PDIA6: variants seen among roughly 807,000 people sequenced by gnomAD.
PDIA6 encodes the protein protein disulfide-isomerase A6.
In PDIA6, 29 loss-of-function variants were observed where a neutral mutation model predicts 58.4. That is an observed-to-expected ratio of 0.50 (90% CI 0.37 to 0.68). PDIA6 has a LOEUF of 0.68. Ranked by LOEUF, PDIA6 falls within the 30% of genes least tolerant of loss-of-function variation. The pLI, the probability that PDIA6 is intolerant of heterozygous loss-of-function variation, is 0.00. For missense variants in PDIA6, 480 were observed against 551.0 expected (o/e 0.87, Z 1.29); for synonymous variants, 192 against 202.6 (o/e 0.95, Z 0.44).
chr2:10,836,052 C>CAA (rs36107200), upstream of PDIA6, among the ~76,000 whole-genome samples: 172 of 146,826 alleles, frequency 1.2e-3, no homozygotes, highest in South Asian at 2.2e-3. Flanking sequence ...GACTCTGTCT[C>CAA]AAAAAAAAAA....
intron 1 of PDIA6, among the ~76,000 whole-genome samples, chr2:10,806,382 AAGAG>A (rs1332327351): frequency 6.6e-6 from 1 of 151,430 alleles, no homozygotes; most frequent in African/African-American, 2.4e-5. Flanking sequence ...AAAAAAAAAA[AAGAG>A]AGAAAATATT....
intron 8 of PDIA6, among the ~76,000 whole-genome samples, chr2:10,789,407 GAAAAC>G (rs57608395): frequency 0.084 from 12,666 of 151,434 alleles, 654 homozygotes; most frequent in South Asian, 0.15. Flanking sequence ...AGAATTAAAT[GAAAAC>G]AAAACAAAAC....
chr2:10,785,382 C>A (rs1480828338), intron 11 of PDIA6, among the ~76,000 whole-genome samples: 2 of 152,244 alleles, frequency 1.3e-5, no homozygotes, highest in African/African-American at 2.4e-5. Context: ...TCTAAGACTG[C>A]TGTGAACCTG....
chr2:10,830,685 G>A (rs1265396321), intron 1 of PDIA6, among the ~76,000 whole-genome samples: 1 of 152,230 alleles, frequency 6.6e-6, no homozygotes, highest in Non-Finnish European at 1.5e-5. Context: ...ATTAGTTCAA[G>A]GAAATAGGGA....
chr2:10,798,325 T>G (rs1460720505), intron 2 of PDIA6, among the ~76,000 whole-genome samples: 1 of 152,102 alleles, frequency 6.6e-6, no homozygotes, highest in Non-Finnish European at 1.5e-5. Context: ...ACGCCTGACT[T>G]TGGGAGGCCA....
chr2:10,804,570 T>C (rs1180157382), intron 1 of PDIA6, among the ~76,000 whole-genome samples: 3 of 131,028 alleles, frequency 2.3e-5, no homozygotes, highest in Admixed American at 1.7e-4. Context: ...TTTTGGTTAC[T>C]GTAGCCTTGT....
At chr2:10,785,079 T>C in intron 11 of PDIA6, 49 bp from the exon 12 acceptor site, 1 of 1,252,558 alleles carries the variant, frequency 8.0e-7, no homozygotes, top group Non-Finnish European at 1.1e-6. Flanking sequence ...AATGGACTGC[T>C]GGTGCAGAAG....
At chr2:10,797,031 A>G (rs760892870) in intron 4 of PDIA6, 50 bp downstream of exon 4, 18 of 1,543,294 alleles carry the variant, frequency 1.2e-5, no homozygotes, top group Non-Finnish European at 1.5e-5. Context: ...GTTAAAGAAC[A>G]GTAGGTTCTT....
intron 1 of PDIA6, among the ~76,000 whole-genome samples, chr2:10,820,126 G>A (rs1217743144): frequency 6.6e-6 from 1 of 152,222 alleles, no homozygotes; most frequent in African/African-American, 2.4e-5. Context: ...TGGTCATGGA[G>A]ATTAAAGACG....
At position 10,790,810 on chromosome 2, in the gene PDIA6, G is replaced by A. The variant is rs1263024721; in HGVS notation, c.608C>T (p.Ala203Val). The change falls in exon 7 of 13, where the codon GCA (alanine) becomes GTA (valine). Residue 203 changes from alanine (A) to valine (V), a missense_variant. By Grantham distance (64) the Ala-to-Val change is moderately conservative. Transcript: ENST00000272227. ...CGTCTGCTCTTTTACTTCTGAAGCT[G>A]CGGCAGCCCACTCTGGCTCTAGGCT... ...CKNLEPEWAA[A>V]ASEVKEQTKG... 1 of 1,613,740 alleles carries A rather than the reference G, an allele frequency of 6.2e-7. No individual in the cohort carries two copies. The highest frequency in any genetic ancestry group is 8.5e-7 in the Non-Finnish European group (1 of 1,179,758).
Position 10,806,650 on chromosome 2 carries a change from A to AAAGACAG in PDIA6, c.20-4011_20-4010insCTGTCTT, listed in dbSNP as rs1553339954. On this transcript the variant is annotated intron_variant, in intron 1 of 12. Transcript: ENST00000272227. ...AGACAGAAAGAAAGAAAGAAAGAAA[A>AAAGACAG]ACGTTACAGTAAATTAAGGTTAATC... is the stretch of plus-strand genomic sequence containing the variant. Among the ~76,000 whole-genome samples, 42 of 62,946 alleles carry AAAGACAG rather than the reference A, an allele frequency of 6.7e-4. 2 individuals are homozygous for AAAGACAG. Among genetic ancestry groups the AAAGACAG allele is most frequent in the East Asian group, 2.2e-3 (4 of 1,858 alleles). The allele number at this position is 62,946 out of a possible 152,430, so 41.3% of individuals were successfully genotyped here.
chr2:10,814,364 A>T (rs553197890), upstream of PDIA6, among the ~76,000 whole-genome samples: 12 of 152,266 alleles, frequency 7.9e-5, no homozygotes, highest in Non-Finnish European at 1.5e-4. Flanking sequence ...CCGGGACAGA[A>T]ATCCTCAGCT....
chr2:10,818,480 TAA>T (rs199593134), intron 2 of PDIA6, among the ~76,000 whole-genome samples: 7,420 of 76,706 alleles, frequency 0.097, 286 homozygotes, highest in South Asian at 0.19. Context: ...TTTAACCATT[TAA>T]TTTATTTATT....
chr2:10,795,759 C>T (rs1445952272), intron 4 of PDIA6, among the ~76,000 whole-genome samples: 4 of 152,164 alleles, frequency 2.6e-5, no homozygotes, highest in Admixed American at 6.5e-5. Context: ...CCCCTCACCC[C>T]TACCTTCCCT....
chr2:10,820,258 G>GT lies in PDIA6; in HGVS notation c.-47-905dup, dbSNP rs763582167. Among the ~76,000 whole-genome samples the GT allele has an allele frequency of 2.0e-4, 31 of 152,322 alleles. No homozygotes were observed. In the South Asian group the frequency reaches 5.6e-3, roughly 27 times the overall value. ...GTTGATCTGTGGTTAAATGTGGGGT[G>GT]TTTTATAGATGAGTCGCTGGGGAGG... On this transcript the variant is annotated intron_variant, in intron 1 of 13. Transcript: ENST00000381611.
At chr2:10,797,848 G>C in intron 2 of PDIA6, 91 bp from the exon 3 acceptor site, 1 of 1,017,692 alleles carries the variant, frequency 9.8e-7, no homozygotes, top group Non-Finnish European at 1.5e-6. Context: ...CCCCATCAAT[G>C]GTCTATTGAA....
intron 5 of PDIA6, among the ~76,000 whole-genome samples, chr2:10,792,649 CCT>C (rs796974988): frequency 2.0e-5 from 3 of 151,572 alleles, no homozygotes; most frequent in Admixed American, 6.6e-5. Flanking sequence ...CCAATCTGCT[CCT>C]CTCTCTCTCT....
intron 2 of PDIA6, chr2:10,819,245 C>G (rs183323718): frequency 7.4e-7 from 1 of 1,357,252 alleles, no homozygotes; most frequent in Non-Finnish European, 1.0e-6. Flanking sequence ...CAGATGGAGG[C>G]TCCTACTCTG....
chr2:10,812,860 G>A (rs1192111882), upstream of PDIA6: 2 of 1,161,936 alleles, frequency 1.7e-6, no homozygotes. Flanking sequence ...AGCCGTGGCT[G>A]CGGCTCATTG....
Sources: gnomAD v4.1 joint callset for allele counts (sites outside exome capture counted in the v4.1 genomes callset) on GRCh38, gnomAD v4.1.1 for gene constraint, MANE v1.5 for transcripts, NCBI Gene and HGNC (gene_info 2026-07-23, HGNC 2026-07-21) for gene names.